The following PTPRN2 variants were observed in gnomAD, a reference collection of about 807,000 sequenced individuals.
PTPRN2 encodes the protein receptor-type tyrosine-protein phosphatase N2.
Under a neutral mutation model 118.8 loss-of-function variants are expected in PTPRN2, and 74 were observed. The observed-to-expected ratio is 0.62, with a 90% CI of 0.52 to 0.76. The LOEUF is 0.76. Ranked by LOEUF, PTPRN2 falls within the 30% of genes least tolerant of loss-of-function variation. The pLI, the probability that PTPRN2 is intolerant of heterozygous loss-of-function variation, is 0.00. For missense variants in PTPRN2, 1,481 were observed against 1,394.4 expected (o/e 1.06, Z -0.99); for synonymous variants, 641 against 608.0 (o/e 1.05, Z -0.80).
chr7:157,721,141 G>C (rs1162612250), intron 12 of PTPRN2, among the ~76,000 whole-genome samples: 1 of 152,200 alleles, frequency 6.6e-6, no homozygotes, highest in African/African-American at 2.4e-5. Flanking sequence ...GGAAGTCTTA[G>C]AAAAATATAA....
intron 3 of PTPRN2, among the ~76,000 whole-genome samples, chr7:158,258,365 A>G (rs1329499496): frequency 3.3e-5 from 5 of 152,262 alleles, no homozygotes; most frequent in Non-Finnish European, 7.3e-5. Flanking sequence ...CTCTGCTATC[A>G]TCAGCCTCCT....
intron 14 of PTPRN2, among the ~76,000 whole-genome samples, chr7:157,635,929 A>G (rs1269257855): frequency 6.6e-6 from 1 of 152,236 alleles, no homozygotes; most frequent in Non-Finnish European, 1.5e-5. Flanking sequence ...ATATTCATTC[A>G]CTTTCAAAAA....
At chr7:157,895,054 C>CT (rs1034761642) in intron 12 of PTPRN2, among the ~76,000 whole-genome samples, 6 of 151,876 alleles carry the variant, frequency 4.0e-5, no homozygotes, top group Non-Finnish European at 8.8e-5. Flanking sequence ...GGACCCCTCC[C>CT]CCACAGGAGG....
chr7:158,083,723 G>T (rs1813021888), intron 10 of PTPRN2, among the ~76,000 whole-genome samples: 1 of 152,230 alleles, frequency 6.6e-6, no homozygotes, highest in Non-Finnish European at 1.5e-5. Context: ...CACCCTCGGG[G>T]TACATCTCGC....
chr7:158,457,634 A>G (rs13237789), intron 2 of PTPRN2, among the ~76,000 whole-genome samples: 3,203 of 62,100 alleles, frequency 0.052, 518 homozygotes, highest in Middle Eastern at 0.068. Flanking sequence ...CCCAGTCAGC[A>G]CACGGTGAGG....
chr7:157,730,014 G>T (rs73163900), intron 12 of PTPRN2, among the ~76,000 whole-genome samples: 12,939 of 152,234 alleles, frequency 0.085, 1,142 homozygotes, highest in African/African-American at 0.23. Context: ...GTGCTCGAGG[G>T]TCACTTTCAT....
intron 10 of PTPRN2, among the ~76,000 whole-genome samples, chr7:158,091,644 T>C (rs1290589084): frequency 3.0e-5 from 4 of 135,048 alleles, no homozygotes; most frequent in Admixed American, 1.5e-4. Flanking sequence ...GGGTGAGAGA[T>C]AGGTGATGGA....
rs1860474 is a variant in PTPRN2, at chr7:157,808,127, C to T, written c.1788+90546G>A. On this transcript the variant is annotated intron_variant, in intron 12 of 22. Transcript: ENST00000389418. This position sits in a 1 kb window ranked among gnomAD's most constrained non-coding sequence, Gnocchi z 5.0. Reference sequence around the variant, plus strand: ...CCAGGCATCCCCAGCCTCTGGGCCACGGACTGACACCAGTCTGTGGCCTGT... The same window carrying T: ...CCAGGCATCCCCAGCCTCTGGGCCATGGACTGACACCAGTCTGTGGCCTGT... Among the ~76,000 whole-genome samples the T allele has an allele frequency of 6.7e-3, 1,019 of 152,246 alleles. 7 individuals carry two copies. The highest frequency in any genetic ancestry group is 0.023 in the African/African-American group (953 of 41,528).
chr7:158,132,056 C>G (rs1332937062), intron 9 of PTPRN2, among the ~76,000 whole-genome samples: 1 of 151,744 alleles, frequency 6.6e-6, no homozygotes, highest in Non-Finnish European at 1.5e-5. Context: ...CAAATATGCA[C>G]AAACCGATAC....
At chr7:157,695,914 C>A (rs1797746410) in intron 12 of PTPRN2, among the ~76,000 whole-genome samples, 1 of 151,686 alleles carries the variant, frequency 6.6e-6, no homozygotes, top group South Asian at 2.1e-4. Context: ...AGAGCCCTCA[C>A]CATCTACCCA....
chr7:157,859,956 CTG>C (rs1810097438), intron 12 of PTPRN2, among the ~76,000 whole-genome samples: 4 of 141,848 alleles, frequency 2.8e-5, no homozygotes, highest in South Asian at 2.4e-4. Flanking sequence ...CCCCCAGCCA[CTG>C]TACACACTCC....
intron 20 of PTPRN2, among the ~76,000 whole-genome samples, chr7:157,570,490 C>T (rs1300426009): frequency 3.3e-5 from 5 of 152,128 alleles, no homozygotes; most frequent in African/African-American, 1.2e-4. Context: ...CTTTTTATTC[C>T]AGGCAGGAAG....
intron 2 of PTPRN2, among the ~76,000 whole-genome samples, chr7:158,475,167 G>A (rs755816049): frequency 2.0e-5 from 3 of 152,110 alleles, no homozygotes; most frequent in Non-Finnish European, 2.9e-5. Context: ...CTCAGGACCC[G>A]AAAAGCAACA....
intron 9 of PTPRN2, among the ~76,000 whole-genome samples, chr7:158,130,029 C>T (rs1027774913): frequency 1.4e-4 from 21 of 152,188 alleles, no homozygotes; most frequent in Middle Eastern, 3.2e-3. Context: ...CCTAAAGATA[C>T]AACTAAGATA....
intron 12 of PTPRN2, chr7:157,857,577 C>T (rs57259290): frequency 0.16 from 24,635 of 152,180 alleles, 2,367 homozygotes; most frequent in African/African-American, 0.27. Context: ...CCAGTGGCCA[C>T]CGGGGAGTCA....
intron 2 of PTPRN2, among the ~76,000 whole-genome samples, chr7:158,441,094 TAGG>T (rs1259673032): frequency 6.9e-6 from 1 of 144,210 alleles, no homozygotes; most frequent in Non-Finnish European, 1.5e-5. Flanking sequence ...GTGGTAGTGA[TAGG>T]GGTGGTAGTG....
chr7:157,642,315 T>A (rs2150696911), intron 14 of PTPRN2, among the ~76,000 whole-genome samples: 1 of 152,352 alleles, frequency 6.6e-6, no homozygotes, highest in South Asian at 2.1e-4. Context: ...TGACGCCAGC[T>A]CATTTCTGAA....
chr7:157,740,921 T>C (rs538378429), intron 12 of PTPRN2, among the ~76,000 whole-genome samples: 1 of 152,334 alleles, frequency 6.6e-6, no homozygotes, highest in African/African-American at 2.4e-5. Context: ...GCCAAAATAT[T>C]ATTGGAAAAC....
rs1806222366 is a variant in PTPRN2, at chr7:157,813,972, GGAGT to G, written c.1788+84697_1788+84700del. 6.6e-6 allele frequency among the ~76,000 whole-genome samples: 1 copy of G among 152,274 alleles called. No homozygotes were observed. The highest frequency in any genetic ancestry group is 6.5e-5 in the Admixed American group (1 of 15,292). ...AAGTCGCGGTTTGTGGTGCTTTGGA[GGAGT>G]TTGCTCCTTAGAGTGAGGGGGATTG... On this transcript the variant is annotated intron_variant, in intron 12 of 22. Coordinates refer to ENST00000389418, the MANE Select transcript of PTPRN2 (RefSeq NM_002847.5). The surrounding 1 kb of genome is among the most constrained non-coding windows in gnomAD (Gnocchi z 4.7).
Sources: allele counts gnomAD v4.1 joint callset (sites outside exome capture counted in the v4.1 genomes callset), GRCh38; gene constraint gnomAD v4.1.1; non-coding constraint Gnocchi (gnomAD v3.1); transcripts MANE v1.5; gene names NCBI Gene and HGNC (gene_info 2026-07-23, HGNC 2026-07-21).